Variants in BTBD9 observed in about 807,000 individuals in gnomAD.
BTBD9 encodes the protein BTB domain containing 9.
BTBD9 carries 49 observed loss-of-function variants against 64.3 expected under a neutral mutation model. That is an observed-to-expected ratio of 0.76 (90% CI 0.61 to 0.97). The LOEUF (loss-of-function observed/expected upper bound fraction) is 0.97, where lower values mean the gene tolerates loss of function less well. BTBD9 is among the 50% of genes least tolerant of loss of function. BTBD9 has a pLI of 0.00. For synonymous variants in BTBD9, 260 were observed against 274.7 expected (o/e 0.95, Z 0.53); for missense variants, 598 against 762.1 (o/e 0.78, Z 2.53).
intron 6 of BTBD9, among the ~76,000 whole-genome samples, chr6:38,553,504 T>C (rs1427378373): frequency 1.3e-5 from 2 of 152,182 alleles, no homozygotes; most frequent in African/African-American, 2.4e-5. Flanking sequence ...CCTTACACTA[T>C]ATTCCCTAAT....
intron 8 of BTBD9, among the ~76,000 whole-genome samples, chr6:38,261,085 G>A (rs1280010234): frequency 6.6e-6 from 1 of 151,586 alleles, no homozygotes; most frequent in Non-Finnish European, 1.5e-5. Context: ...GACTACAGGT[G>A]CACACCACCA....
In BTBD9 at chr6:38,410,076, G is replaced by T. The variant is rs181419773; in HGVS notation, c.1155-64983C>A. ...AAAGAAATCATTCCACTTGCTCAAA[G>T]AAATTAATGACTTAAAGAATATCAA... On this transcript the variant is annotated intron_variant, in intron 6 of 10. Coordinates refer to ENST00000481247, the MANE Select transcript of BTBD9 (RefSeq NM_001099272.2). Among the ~76,000 whole-genome samples the T allele has an allele frequency of 1.4e-3, 208 of 152,228 alleles. 2 individuals carry two copies. The highest frequency in any genetic ancestry group is 2.1e-3 in the Non-Finnish European group (140 of 68,002).
chr6:38,186,077 A>G (rs760658981), intron 10 of BTBD9, among the ~76,000 whole-genome samples: 2 of 152,182 alleles, frequency 1.3e-5, no homozygotes, highest in African/African-American at 2.4e-5. Flanking sequence ...CATAGGGTGA[A>G]TGTGTGCATA....
chr6:38,289,097 G>C (rs916822129), intron 7 of BTBD9, among the ~76,000 whole-genome samples: 1 of 152,068 alleles, frequency 6.6e-6, no homozygotes, highest in Non-Finnish European at 1.5e-5. Context: ...TAGCAGCCAG[G>C]CACGGTGGCT....
At chr6:38,564,318 A>G (rs1161441143) in intron 6 of BTBD9, among the ~76,000 whole-genome samples, 1 of 152,210 alleles carries the variant, frequency 6.6e-6, no homozygotes, top group Non-Finnish European at 1.5e-5. Flanking sequence ...AAAACTCCCC[A>G]CTGTTAATTC....
At chr6:38,572,190 T>C (rs181696738) in intron 6 of BTBD9, among the ~76,000 whole-genome samples, 5 of 152,346 alleles carry the variant, frequency 3.3e-5, no homozygotes, top group East Asian at 1.9e-4. Context: ...TTGTTTGTTT[T>C]AATCTGTTTC....
intron 6 of BTBD9, among the ~76,000 whole-genome samples, chr6:38,557,662 T>C (rs146085482): frequency 1.4e-3 from 207 of 152,344 alleles, no homozygotes; most frequent in African/African-American, 4.7e-3. Context: ...AAAAACAAGG[T>C]ATTAGGATAT....
intron 6 of BTBD9, among the ~76,000 whole-genome samples, chr6:38,461,701 A>G (rs1373641178): frequency 6.6e-6 from 1 of 152,188 alleles, no homozygotes; most frequent in African/African-American, 2.4e-5. Flanking sequence ...TGGCTGAATC[A>G]TATGTAGGTA....
chr6:38,566,939 T>C (rs986401075), intron 6 of BTBD9, among the ~76,000 whole-genome samples: 1 of 152,216 alleles, frequency 6.6e-6, no homozygotes, highest in Admixed American at 6.5e-5. Context: ...TTCTAAATCC[T>C]ACTCTCTCTA....
In BTBD9 at chr6:38,531,281, C is replaced by T. The variant is rs372205877; in HGVS notation, c.1154+46319G>A. ...GAAACCTCACAGGCCAGGAGAGAGT[C>T]GCATGACATATTTAAAGTACTGAAG... On this transcript the variant is annotated intron_variant, in intron 6 of 10. Coordinates refer to ENST00000481247, the MANE Select transcript of BTBD9 (RefSeq NM_001099272.2). Among the ~76,000 whole-genome samples the T allele has an allele frequency of 1.4e-4, 21 of 152,212 alleles. No individual in the cohort carries two copies. In the East Asian group the frequency reaches 3.5e-3, roughly 25 times the overall value.
intron 6 of BTBD9, among the ~76,000 whole-genome samples, chr6:38,476,860 A>C (rs1288019612): frequency 6.6e-6 from 1 of 152,068 alleles, no homozygotes; most frequent in Non-Finnish European, 1.5e-5. Flanking sequence ...CCTCAATGCC[A>C]ATATGGCAAA....
In BTBD9 at chr6:38,594,057, G is replaced by A. The variant is rs371459623; in HGVS notation, c.456C>T (p.Tyr152=). The change falls in exon 3 of 11, where the codon TAC becomes TAT. Residue 152 remains tyrosine (Y), a synonymous_variant. Coordinates refer to ENST00000481247, the MANE Select transcript of BTBD9 (RefSeq NM_001099272.2). ...ACATACAAGTTAACTTGGGAAGTGA[G>A]TAGAGACTGGCAACATCAAAAGTCA... ...VCMTFDVASL[Y]SLPKLTCMCC... The A allele has an allele frequency of 9.7e-5, 157 of 1,614,052 alleles. No homozygotes were observed. Among genetic ancestry groups the A allele is most frequent in the Non-Finnish European group, 1.2e-4 (138 of 1,180,004 alleles).
At chr6:38,450,899 T>G (rs1275952906) in intron 6 of BTBD9, among the ~76,000 whole-genome samples, 1 of 152,194 alleles carries the variant, frequency 6.6e-6, no homozygotes, top group Admixed American at 6.5e-5. Context: ...CCTTTGAAGC[T>G]TCATCTATCA....
intron 5 of BTBD9, among the ~76,000 whole-genome samples, chr6:38,578,072 A>AG (rs1206156773): frequency 6.6e-6 from 1 of 152,194 alleles, no homozygotes; most frequent in African/African-American, 2.4e-5. Flanking sequence ...ATACCATATT[A>AG]GAAGATAAAT....
chr6:38,347,659 A>C (rs1421975773), intron 6 of BTBD9, among the ~76,000 whole-genome samples: 1 of 152,176 alleles, frequency 6.6e-6, no homozygotes, highest in Non-Finnish European at 1.5e-5. Context: ...AAAGGCTTCA[A>C]TTAATGGCCC....
Position 38,219,438 on chromosome 6 carries a change from G to A in BTBD9, c.1563-26841C>T, listed in dbSNP as rs772404845. 3.3e-5 allele frequency among the ~76,000 whole-genome samples: 5 copies of A among 151,696 alleles called. 1 individual carries two copies. In the East Asian group the frequency reaches 5.8e-4, roughly 18 times the overall value. On this transcript the variant is annotated intron_variant, in intron 9 of 10. Transcript: ENST00000481247. ...ATTACAGTTGTGAGCCACCATGCCC[G>A]GCCTCACTTTTTCTTTTTTAGACTA...
At chr6:38,562,662 T>C (rs1775311007) in intron 6 of BTBD9, among the ~76,000 whole-genome samples, 1 of 152,222 alleles carries the variant, frequency 6.6e-6, no homozygotes, top group Non-Finnish European at 1.5e-5. Context: ...ATCTCTAATA[T>C]GTGTTGTTCA....
intron 6 of BTBD9, among the ~76,000 whole-genome samples, chr6:38,424,039 T>C (rs1768027232): frequency 6.6e-6 from 1 of 151,976 alleles, no homozygotes; most frequent in Non-Finnish European, 1.5e-5. Context: ...ACTGGAGATA[T>C]GTATTCAAAG....
rs143773288 is a variant in BTBD9 at position 38,379,812 on chromosome 6, T to C, written c.1155-34719A>G. 4.2e-3 allele frequency among the ~76,000 whole-genome samples: 637 copies of C among 152,292 alleles called. 7 individuals carry two copies. The highest frequency in any genetic ancestry group is 0.019 in the Admixed American group (289 of 15,284). ...CAGTGAAAATTACTTTTACTACAAA[T>C]TGTAACATAACTATATTGGGAGGAT... On this transcript the variant is annotated intron_variant, in intron 6 of 10. Transcript: ENST00000481247.
Sources: allele counts gnomAD v4.1 joint callset (sites outside exome capture counted in the v4.1 genomes callset), GRCh38; gene constraint gnomAD v4.1.1; transcripts MANE v1.5; gene names NCBI Gene and HGNC (gene_info 2026-07-23, HGNC 2026-07-21).